The following ZFP14 variants were observed in gnomAD, a reference collection of about 807,000 sequenced individuals.
ZFP14 encodes zinc finger protein 14 homolog.
In ZFP14, 22 loss-of-function variants were observed where a neutral mutation model predicts 54.5. That is an observed-to-expected ratio of 0.40 (90% CI 0.29 to 0.58). The LOEUF (loss-of-function observed/expected upper bound fraction) is 0.58. Ranked by LOEUF, ZFP14 falls within the 20% of genes least tolerant of loss-of-function variation. ZFP14 has a pLI of 0.39. For missense variants in ZFP14, 470 were observed against 637.8 expected, an observed-to-expected ratio of 0.74 and a Z score of 2.83; for synonymous variants, 159 against 204.0, an observed-to-expected ratio of 0.78 and a Z score of 1.88.
intron 2 of ZFP14, chr19:36,362,912 G>T: frequency 9.1e-6 from 2 of 219,590 alleles, no homozygotes; most frequent in South Asian, 4.8e-5. Context: ...CAATTCTTTA[G>T]TAAACTTTCA....
At position 36,367,870 on chromosome 19, in the gene ZFP14, A is replaced by C. The variant is rs761726964; in HGVS notation, c.9+14T>G. On this transcript the variant is annotated intron_variant, in intron 2 of 4. Coordinates refer to ENST00000270001, the MANE Select transcript of ZFP14 (RefSeq NM_020917.3). The stretch of plus-strand genomic sequence containing the variant: ...TGACAGTATTTCGAAAAGGACAGAG[A>C]AACATTAACTTACATGGGCCATGGT... The C allele has an allele frequency of 6.2e-7, 1 of 1,611,508 alleles. No homozygotes were observed. The highest frequency in any genetic ancestry group is 1.7e-5 in the Admixed American group (1 of 59,546).
chr19:36,372,307 G>GTT (rs200927819), intron 1 of ZFP14, among the ~76,000 whole-genome samples: 1 of 146,644 alleles, frequency 6.8e-6, no homozygotes, highest in African/African-American at 2.5e-5. Flanking sequence ...AAAATTAAGA[G>GTT]TTTTTTTTTT....
intron 4 of ZFP14, among the ~76,000 whole-genome samples, chr19:36,343,908 A>G (rs955695830): frequency 6.6e-6 from 1 of 152,162 alleles, no homozygotes; most frequent in Non-Finnish European, 1.5e-5. Context: ...CTTGTGACCC[A>G]TTCACCCCTC....
At chr19:36,371,667 A>G (rs570252928) in intron 1 of ZFP14, among the ~76,000 whole-genome samples, 13 of 152,290 alleles carry the variant, frequency 8.5e-5, no homozygotes, top group African/African-American at 3.1e-4. Context: ...AAGCTTATTT[A>G]AAGAAATAAC....
chr19:36,339,876 CAATA>C lies in ZFP14; in HGVS notation c.*344_*347del. ...AAGTCTGTGGTAATTTATTACGCAG[CAATA>C]AATAACTAATACATATAAGTACTAT... On this transcript the variant is annotated 3_prime_UTR_variant, in exon 5 of 5. Coordinates refer to ENST00000270001, the MANE Select transcript of ZFP14 (RefSeq NM_020917.3). The C allele has an allele frequency of 5.8e-6, 1 of 173,176 alleles. No homozygotes were observed. The highest frequency in any genetic ancestry group is 1.2e-5 in the Non-Finnish European group (1 of 81,530). 10.7% of individuals were successfully genotyped at this position (173,176 alleles called of 1,614,324 possible). A position where few individuals can be genotyped will look rare whatever the true frequency, so the allele number is the denominator to read the frequency against.
chr19:36,366,505 C>T (rs2031797230), intron 2 of ZFP14, among the ~76,000 whole-genome samples: 1 of 151,996 alleles, frequency 6.6e-6, no homozygotes, highest in Non-Finnish European at 1.5e-5. Flanking sequence ...TTTGTAGAGA[C>T]ACGGTTTTGC....
intron 4 of ZFP14, among the ~76,000 whole-genome samples, chr19:36,342,046 G>A (rs989846292): frequency 3.3e-5 from 5 of 151,628 alleles, no homozygotes; most frequent in East Asian, 1.9e-4. Context: ...TAGTAGGGAC[G>A]GGGTTTCACC....
At position 36,350,119 on chromosome 19, in the gene ZFP14, T is replaced by C. The variant is rs1272445744; in HGVS notation, c.236-8529A>G. 3.0e-5 allele frequency among the ~76,000 whole-genome samples: 4 copies of C among 132,106 alleles called. No homozygotes were observed. The East Asian group carries it at 8.8e-4, about 29-fold the overall frequency. The allele number at this position is 132,106 out of a possible 152,430, so 86.7% of individuals were successfully genotyped here. A position where few individuals can be genotyped will look rare whatever the true frequency, so the allele number is the denominator to read the frequency against. On this transcript the variant is annotated intron_variant, in intron 4 of 4. Coordinates refer to ENST00000270001, the MANE Select transcript of ZFP14 (RefSeq NM_020917.3). ...CTGGAAAACAGAGCCACACTCTGTC[T>C]CAAAAAAACAAAACAAACAAAAAAA... is the stretch of plus-strand genomic sequence containing the variant.
Position 36,353,179 on chromosome 19 carries a change from G to A in ZFP14, c.235+7256C>T, listed in dbSNP as rs551199841. On this transcript the variant is annotated intron_variant, in intron 4 of 4. Coordinates refer to ENST00000270001, the MANE Select transcript of ZFP14 (RefSeq NM_020917.3). ...TGGAGGCAGCCTAGTGCAGGCTGTT[G>A]CAGTACAAGCACAGTAAGGGAAGTA... 4.2e-5 allele frequency among the ~76,000 whole-genome samples: 6 copies of A among 142,456 alleles called. 1 individual carries two copies. In the East Asian group the frequency reaches 1.0e-3, roughly 25 times the overall value. 93.5% of individuals were successfully genotyped at this position (142,456 alleles called of 152,430 possible).
intron 1 of ZFP14, among the ~76,000 whole-genome samples, chr19:36,369,323 G>A (rs910301076): frequency 1.3e-5 from 2 of 152,160 alleles, no homozygotes; most frequent in Non-Finnish European, 2.9e-5. Context: ...ATGCCCAGGG[G>A]TCAAATCAGT....
At chr19:36,363,135 A>G (rs1254832902) in intron 2 of ZFP14, among the ~76,000 whole-genome samples, 1 of 151,676 alleles carries the variant, frequency 6.6e-6, no homozygotes, top group Non-Finnish European at 1.5e-5. Context: ...TGAATCATGA[A>G]GATATCATAA....
At position 36,341,571 on chromosome 19, in the gene ZFP14, C is replaced by A; in HGVS notation, c.255G>T (p.Arg85Ser). The change falls in exon 5 of 5, where the codon AGG becomes AGT. Residue 85 changes from arginine (R) to serine (S), a missense_variant. By Grantham distance (110) the Arg-to-Ser change is moderately radical. Coordinates refer to ENST00000270001, the MANE Select transcript of ZFP14 (RefSeq NM_020917.3). This position sits in a 1 kb window ranked among gnomAD's most constrained non-coding sequence, Gnocchi z 4.2. ...RYCPDLESRY[R>S]TNTLSPEKDI... ...CCTTTTCTGGAGATAAAGTATTGGTCCTGTATCTGGACTCCAAATCTGAAA... is the reference window on the plus strand; with the variant it reads ...CCTTTTCTGGAGATAAAGTATTGGTACTGTATCTGGACTCCAAATCTGAAA... The A allele has an allele frequency of 6.3e-7, 1 of 1,575,226 alleles. No homozygotes were observed. The highest frequency in any genetic ancestry group is 1.2e-5 in the South Asian group (1 of 84,186).
intron 4 of ZFP14, among the ~76,000 whole-genome samples, chr19:36,347,102 G>C (rs150042518): frequency 3.9e-5 from 6 of 152,280 alleles, no homozygotes; most frequent in Admixed American, 3.9e-4. Context: ...TGGCTGTGCT[G>C]AGAGCAATCA....
At chr19:36,344,989 A>T (rs139133299) in intron 4 of ZFP14, among the ~76,000 whole-genome samples, 3,912 of 152,222 alleles carry the variant, frequency 0.026, 95 homozygotes, top group Non-Finnish European at 0.034. Context: ...TTGGCCGGGC[A>T]CTGTGGTTCA....
In ZFP14 at chr19:36,344,844, C is replaced by T. The variant is rs541006545; in HGVS notation, c.236-3254G>A. On this transcript the variant is annotated intron_variant, in intron 4 of 4. Transcript: ENST00000270001. ...TTTCTCCCGCCCCAGTCCATGGAAACATTGTCTTCCACAAAACTGGTCCCT... is the reference window on the plus strand; with the variant it reads ...TTTCTCCCGCCCCAGTCCATGGAAATATTGTCTTCCACAAAACTGGTCCCT... Among the ~76,000 whole-genome samples the T allele has an allele frequency of 1.5e-4, 23 of 152,336 alleles. No homozygotes were observed. In the South Asian group the frequency reaches 4.8e-3, roughly 32 times the overall value.
intron 1 of ZFP14, among the ~76,000 whole-genome samples, chr19:36,372,303 AAG>A (rs2031892212): frequency 6.6e-6 from 1 of 151,876 alleles, no homozygotes; most frequent in Non-Finnish European, 1.5e-5. Context: ...CAATAAAATT[AAG>A]AGTTTTTTTT....
At chr19:36,377,371 G>A (rs2031978796) in intron 1 of ZFP14, among the ~76,000 whole-genome samples, 1 of 151,864 alleles carries the variant, frequency 6.6e-6, no homozygotes, top group Non-Finnish European at 1.5e-5. Flanking sequence ...GCAACATAAG[G>A]AGACCTCATT....
At chr19:36,344,387 TTTAG>T (rs1263906804) in intron 4 of ZFP14, among the ~76,000 whole-genome samples, 1 of 152,194 alleles carries the variant, frequency 6.6e-6, no homozygotes, top group Non-Finnish European at 1.5e-5. Flanking sequence ...ATTCTGTTAG[TTTAG>T]TTAGTCTGTT....
At chr19:36,362,263 C>A in intron 2 of ZFP14, 25 bp from the exon 3 acceptor site, 1 of 1,574,206 alleles carries the variant, frequency 6.4e-7, no homozygotes, top group Non-Finnish European at 8.6e-7. Context: ...TCAGGTATTA[C>A]TTGTGAAAAT....
Sources: allele counts gnomAD v4.1 joint callset (sites outside exome capture counted in the v4.1 genomes callset), GRCh38; gene constraint gnomAD v4.1.1; non-coding constraint Gnocchi (gnomAD v3.1); transcripts MANE v1.5; gene names NCBI Gene and HGNC (gene_info 2026-07-23, HGNC 2026-07-21).